MAP3K4: variants seen among roughly 807,000 people sequenced by gnomAD.
MAP3K4 encodes the protein mitogen-activated protein kinase kinase kinase 4.
MAP3K4 carries 67 observed loss-of-function variants against 185.6 expected under a neutral mutation model. That is an observed-to-expected ratio of 0.36 (90% CI 0.30 to 0.44). MAP3K4 has a LOEUF of 0.44. Ranked by LOEUF, MAP3K4 falls within the 20% of genes least tolerant of loss-of-function variation. MAP3K4 has a pLI of 1.00. For synonymous variants in MAP3K4, 702 were observed against 710.4 expected (o/e 0.99, Z 0.19); for missense variants, 1,551 against 1,995.1 (o/e 0.78, Z 4.24).
intron 3 of MAP3K4, among the ~76,000 whole-genome samples, chr6:161,055,142 T>A (rs1784175978): frequency 6.6e-6 from 1 of 152,182 alleles, no homozygotes; most frequent in South Asian, 2.1e-4. Flanking sequence ...TTGTCTTGCC[T>A]CCAACTCTTG....
Position 160,992,061 on chromosome 6 carries a change from C to T in MAP3K4, c.130C>T (p.Pro44Ser). 1 of 1,584,816 alleles carries T rather than the reference C, an allele frequency of 6.3e-7. No homozygotes were observed. The change falls in exon 1 of 27, where the codon CCC becomes TCC. Residue 44 changes from proline to serine, a missense_variant. Pro to Ser is a moderately conservative substitution (Grantham distance 74, BLOSUM62 -1). This residue lies in a region of MAP3K4 where 287 missense variants were observed against 268.8 expected (regional missense o/e 1.07). Coordinates refer to ENST00000392142, the MANE Select transcript of MAP3K4 (RefSeq NM_005922.4). ...PPPEPETESE[P>S]ECCLAARQEG... ...ACCGGAACCCGAGACCGAGTCAGAA[C>T]CCGAGTGCTGCTTGGCGGCGAGGTG...
chr6:161,054,664 C>G lies in MAP3K4; in HGVS notation c.1707+4685C>G, dbSNP rs999021643. ...CAGGACACATTTCTAGTTACATAGG[C>G]AGTCTCTAATTGAAACAAATGGATT... On this transcript the variant is annotated intron_variant, in intron 3 of 26. Transcript: ENST00000392142. The surrounding 1 kb of genome is among the most constrained non-coding windows in gnomAD (Gnocchi z 4.2). Among the ~76,000 whole-genome samples the G allele has an allele frequency of 6.6e-6, 1 of 152,204 alleles. No individual in the cohort carries two copies. Among genetic ancestry groups the G allele is most frequent in the Admixed American group, 6.5e-5 (1 of 15,274 alleles).
In MAP3K4 at chr6:161,061,788, G is replaced by A. The variant is rs191044061; in HGVS notation, c.1708-8820G>A. 5.3e-5 allele frequency among the ~76,000 whole-genome samples: 8 copies of A among 152,242 alleles called. No individual in the cohort carries two copies. The highest frequency in any genetic ancestry group is 3.9e-4 in the East Asian group (2 of 5,188). On this transcript the variant is annotated intron_variant, in intron 3 of 26. Transcript: ENST00000392142. The surrounding 1 kb of genome is among the most constrained non-coding windows in gnomAD (Gnocchi z 4.2). ...CATCCTTGCTGTGGTATGTATTGGC[G>A]CTTCATTCCTTTTTATGACTGAATA...
At position 161,093,937 on chromosome 6, in the gene MAP3K4, T is replaced by C. The variant is rs1250176269; in HGVS notation, c.3427+86T>C. On this transcript the variant is annotated intron_variant, in intron 15 of 26. Transcript: ENST00000392142. The surrounding 1 kb of genome is among the most constrained non-coding windows in gnomAD (Gnocchi z 5.2). ...TTGTAATTGCAGTCGTTTAAAATGG[T>C]ATAAGAGGTGTTTTAACAGTATTCA... 9.9e-7 allele frequency: 1 copy of C among 1,010,132 alleles called. No individual in the cohort carries two copies. The highest frequency in any genetic ancestry group is 1.6e-5 in the African/African-American group (1 of 62,038). 62.6% of individuals were successfully genotyped at this position (1,010,132 alleles called of 1,614,324 possible).
In MAP3K4 at chr6:161,099,255, C is replaced by T. The variant is rs1777722457; in HGVS notation, c.3674+828C>T. Among the ~76,000 whole-genome samples the T allele has an allele frequency of 2.6e-5, 4 of 152,224 alleles. No individual in the cohort carries two copies. In the South Asian group the frequency reaches 8.3e-4, roughly 32 times the overall value. On this transcript the variant is annotated intron_variant, in intron 17 of 26. Transcript: ENST00000392142. ...TAGAACCCAGGGCTCTGTGTTCAGC[C>T]CCGAGGAGAAAATAGTAGAGTTAAC...
In MAP3K4 at chr6:161,100,992, A is replaced by G. The variant is rs1209932244; in HGVS notation, c.3675-900A>G. ...TATAATTTGTAAATGTCTGTGCAAT[A>G]GATCATGTTGCCTTCAACCTATCAA... On this transcript the variant is annotated intron_variant, in intron 17 of 26. Coordinates refer to ENST00000392142, the MANE Select transcript of MAP3K4 (RefSeq NM_005922.4). This position sits in a 1 kb window ranked among gnomAD's most constrained non-coding sequence, Gnocchi z 5.8. 1 of 152,242 alleles carries G rather than the reference A, an allele frequency of 6.6e-6. No individual in the cohort carries two copies. Among genetic ancestry groups the G allele is most frequent in the East Asian group, 1.9e-4 (1 of 5,208 alleles). The allele number at this position is 152,242 out of a possible 1,614,324, so 9.4% of individuals were successfully genotyped here.
In MAP3K4 at chr6:161,090,427, G is replaced by A. The variant is rs1002138026; in HGVS notation, c.2974-952G>A. ...CCGTAACTCTTGGTCGTGGAGGGCC[G>A]TCCTGCGCATTGTAGGATGTTTAGA... On this transcript the variant is annotated intron_variant, in intron 11 of 26. Coordinates refer to ENST00000392142, the MANE Select transcript of MAP3K4 (RefSeq NM_005922.4). Among the ~76,000 whole-genome samples, 7 of 150,814 alleles carry A rather than the reference G, an allele frequency of 4.6e-5. No homozygotes were observed. The South Asian group carries it at 6.3e-4, about 14-fold the overall frequency.
Position 161,109,698 on chromosome 6 carries a change from C to G in MAP3K4, c.4237-57C>G. 1 of 1,585,428 alleles carries G rather than the reference C, an allele frequency of 6.3e-7. No homozygotes were observed. ...CCTAGGAAGTTTTCCAGATTTTTCA[C>G]TAGCGTACATCTAAGGAAAACCGTA... On this transcript the variant is annotated intron_variant, in intron 22 of 26. Transcript: ENST00000392142. This position sits in a 1 kb window ranked among gnomAD's most constrained non-coding sequence, Gnocchi z 5.7.
At position 161,037,577 on chromosome 6, in the gene MAP3K4, C is replaced by T. The variant is rs1490451687; in HGVS notation, c.343+3128C>T. 2.0e-5 allele frequency among the ~76,000 whole-genome samples: 3 copies of T among 151,972 alleles called. No individual in the cohort carries two copies. The highest frequency in any genetic ancestry group is 4.4e-5 in the Non-Finnish European group (3 of 67,962). On this transcript the variant is annotated intron_variant, in intron 2 of 26. Coordinates refer to ENST00000392142, the MANE Select transcript of MAP3K4 (RefSeq NM_005922.4). The surrounding 1 kb of genome is among the most constrained non-coding windows in gnomAD (Gnocchi z 4.2). ...AGGACTACAGGCATGCGCCACCATGCCCGACTAATTTTGTATTTTTGGTAG... is the reference window on the plus strand; with the variant it reads ...AGGACTACAGGCATGCGCCACCATGTCCGACTAATTTTGTATTTTTGGTAG...
rs1777411746 is a variant in MAP3K4, at chr6:161,093,382, A to G, written c.3348+326A>G. 6.6e-6 allele frequency among the ~76,000 whole-genome samples: 1 copy of G among 152,216 alleles called. No homozygotes were observed. The highest frequency in any genetic ancestry group is 2.4e-5 in the African/African-American group (1 of 41,454). On this transcript the variant is annotated intron_variant, in intron 14 of 26. Coordinates refer to ENST00000392142, the MANE Select transcript of MAP3K4 (RefSeq NM_005922.4). This position sits in a 1 kb window ranked among gnomAD's most constrained non-coding sequence, Gnocchi z 5.2. ...GATTAGCTCTTTTACCTCAGTGTGC[A>G]TCATTTTGAGAGCATCATGCTCGTG...
rs777516534 is a variant in MAP3K4, at chr6:160,992,098, C to T, written c.152+15C>T. ...TTGGCGGCGAGGTGAGTGTGGCGGCCGCAGTCGGTCGCTCGCAGAAAGCGG... is the reference window on the plus strand; with the variant it reads ...TTGGCGGCGAGGTGAGTGTGGCGGCTGCAGTCGGTCGCTCGCAGAAAGCGG... On this transcript the variant is annotated intron_variant, in intron 1 of 26. Transcript: ENST00000392142. 3 of 1,536,994 alleles carry T rather than the reference C, an allele frequency of 2.0e-6. No individual in the cohort carries two copies. The highest frequency in any genetic ancestry group is 1.2e-5 in the South Asian group (1 of 81,758).
intron 1 of MAP3K4, among the ~76,000 whole-genome samples, chr6:161,033,356 G>A (rs944299721): frequency 6.6e-6 from 1 of 152,026 alleles, no homozygotes; most frequent in African/African-American, 2.4e-5. Flanking sequence ...CTCTCAATTT[G>A]TATCATTAAA....
At position 160,996,596 on chromosome 6, in the gene MAP3K4, T is replaced by C. The variant is rs1377973294; in HGVS notation, c.152+4513T>C. ...TATGCTGTTTGAAGACTCTTTAACG[T>C]TGCCTATCAGTAGGCTACTGGTAGT... On this transcript the variant is annotated intron_variant, in intron 1 of 26. Coordinates refer to ENST00000392142, the MANE Select transcript of MAP3K4 (RefSeq NM_005922.4). This position sits in a 1 kb window ranked among gnomAD's most constrained non-coding sequence, Gnocchi z 4.5. Among the ~76,000 whole-genome samples, 1 of 152,224 alleles carries C rather than the reference T, an allele frequency of 6.6e-6. No homozygotes were observed.
At position 161,106,765 on chromosome 6, in the gene MAP3K4, A is replaced by G. The variant is rs1778092723; in HGVS notation, c.4048+60A>G. On this transcript the variant is annotated intron_variant, in intron 20 of 26. Coordinates refer to ENST00000392142, the MANE Select transcript of MAP3K4 (RefSeq NM_005922.4). The surrounding 1 kb of genome is among the most constrained non-coding windows in gnomAD (Gnocchi z 4.9). ...CCCTGTTAGAAGTAGCAATAGTTAT[A>G]CTTCTTTAGGTTGAATCCTATAGAG... The G allele has an allele frequency of 2.1e-6, 3 of 1,403,974 alleles. No homozygotes were observed. The African/African-American group carries it at 4.3e-5, about 20-fold the overall frequency. The allele number at this position is 1,403,974 out of a possible 1,614,324, so 87.0% of individuals were successfully genotyped here. A position where few individuals can be genotyped will look rare whatever the true frequency, so the allele number is the denominator to read the frequency against.
intron 1 of MAP3K4, among the ~76,000 whole-genome samples, chr6:161,003,753 A>G (rs1394220295): frequency 1.3e-5 from 2 of 152,158 alleles, no homozygotes; most frequent in African/African-American, 4.8e-5. Context: ...ATCCAATGAG[A>G]TTTCATTATA....
rs2115018445 is a variant in MAP3K4, at chr6:160,991,903, G to A, written c.-29G>A. On this transcript the variant is annotated 5_prime_UTR_variant, in exon 1 of 27. Coordinates refer to ENST00000392142, the MANE Select transcript of MAP3K4 (RefSeq NM_005922.4). The surrounding 1 kb of genome is among the most constrained non-coding windows in gnomAD (Gnocchi z 5.7). The stretch of plus-strand genomic sequence containing the variant: ...CGCGCCAGGCTGCAGCTTACTGCCC[G>A]CCGCGGCCATGCGGGGCTCCGTGCA... The A allele has an allele frequency of 6.7e-7, 1 of 1,492,652 alleles. No individual in the cohort carries two copies. The highest frequency in any genetic ancestry group is 1.3e-5 in the South Asian group (1 of 78,848). The allele number at this position is 1,492,652 out of a possible 1,614,324, so 92.5% of individuals were successfully genotyped here. A position where few individuals can be genotyped will look rare whatever the true frequency, so the allele number is the denominator to read the frequency against.
In MAP3K4 at chr6:160,992,121, C is replaced by T. The variant is rs1227486582; in HGVS notation, c.152+38C>T. ...GCCGCAGTCGGTCGCTCGCAGAAAGCGGGGCGGGTCCTGGCCCGAACTCGG... is the reference window on the plus strand; with the variant it reads ...GCCGCAGTCGGTCGCTCGCAGAAAGTGGGGCGGGTCCTGGCCCGAACTCGG... On this transcript the variant is annotated intron_variant, in intron 1 of 26. Transcript: ENST00000392142. 10 of 1,507,986 alleles carry T rather than the reference C, an allele frequency of 6.6e-6. 1 individual carries two copies. In the South Asian group the frequency reaches 9.1e-5, roughly 14 times the overall value. 93.4% of individuals were successfully genotyped at this position (1,507,986 alleles called of 1,614,324 possible).
rs190149702 is a variant in MAP3K4, at chr6:161,091,063, C to T, written c.2974-316C>T. Among the ~76,000 whole-genome samples, 18 of 152,262 alleles carry T rather than the reference C, an allele frequency of 1.2e-4. No homozygotes were observed. Among genetic ancestry groups the T allele is most frequent in the African/African-American group, 4.1e-4 (17 of 41,554 alleles). ...TTCACTCTGTGGAATTGCACCCGTACTTATGGTTGAGCAACCGTCCAGGAG... is the reference window on the plus strand; with the variant it reads ...TTCACTCTGTGGAATTGCACCCGTATTTATGGTTGAGCAACCGTCCAGGAG... On this transcript the variant is annotated intron_variant, in intron 11 of 26. Transcript: ENST00000392142. This position sits in a 1 kb window ranked among gnomAD's most constrained non-coding sequence, Gnocchi z 5.5.
intron 2 of MAP3K4, among the ~76,000 whole-genome samples, chr6:161,035,026 A>G (rs563763176): frequency 6.6e-6 from 1 of 152,312 alleles, no homozygotes; most frequent in East Asian, 1.9e-4. Flanking sequence ...TCTATTAGAC[A>G]CGGAGAGTTT....
Sources: allele counts gnomAD v4.1 joint callset (sites outside exome capture counted in the v4.1 genomes callset), GRCh38; gene constraint gnomAD v4.1.1; regional missense constraint gnomAD v4.1.1; non-coding constraint Gnocchi (gnomAD v3.1); transcripts MANE v1.5; gene names NCBI Gene and HGNC (gene_info 2026-07-23, HGNC 2026-07-21).